The following NFS1 variants were observed in gnomAD, a reference collection of about 807,000 sequenced individuals.
NFS1 encodes the protein NFS1 cysteine desulfurase.
In NFS1, 26 loss-of-function variants were observed where a neutral mutation model predicts 57.3. The ratio of observed to expected loss-of-function variants is 0.45; its 90% CI spans 0.33 to 0.63. The LOEUF (loss-of-function observed/expected upper bound fraction) is 0.63. Ranked by LOEUF, NFS1 falls within the 20% of genes least tolerant of loss-of-function variation. The probability of loss-of-function intolerance (pLI) is 0.02; values close to 1 mark genes in which losing one functional copy is unlikely to be tolerated. For missense variants in NFS1, 505 were observed against 605.8 expected, an observed-to-expected ratio of 0.83 and a Z score of 1.75; for synonymous variants, 209 against 216.3, an observed-to-expected ratio of 0.97 and a Z score of 0.30.
At position 35,699,201 on chromosome 20, in the gene NFS1, G is replaced by C. The variant is rs2035199843; in HGVS notation, c.88C>G (p.Arg30Gly). 1.4e-6 allele frequency: 2 copies of C among 1,414,218 alleles called. No individual in the cohort carries two copies. Among genetic ancestry groups the C allele is most frequent in the Non-Finnish European group, 1.8e-6 (2 of 1,094,946 alleles). 87.6% of individuals were successfully genotyped at this position (1,414,218 alleles called of 1,614,324 possible). The change falls in exon 1 of 13, where the codon CGC becomes GGC. Residue 30 changes from arginine to glycine, a missense_variant. Physicochemically the swap from Arg to Gly is moderately radical, Grantham distance 125 (BLOSUM62 -2). Transcript: ENST00000374092. The surrounding 1 kb of genome is among the most constrained non-coding windows in gnomAD (Gnocchi z 4.4). ...CGGGACCCGAGCGTACCGCGCAGGC[G>C]CAGCCCCCGAGTGGGCGCCGCGGGC... ...PKPAAPTRGL[R>G]LRVGDRAPQS...
In NFS1 at chr20:35,690,515, C is replaced by T; in HGVS notation, c.459G>A (p.Gln153=). The part of the protein sequence containing the change: ...RSRKKHLITT[Q]TEHKCVLDSC... ...AGTCCAAGACACATTTGTGTTCTGT[C>T]TGGGTGGTGATCAAGTGCTTTTTCC... Residue 153 remains glutamine, a synonymous_variant, in exon 5 of 13, where the codon CAG becomes CAA. Coordinates refer to ENST00000374092, the MANE Select transcript of NFS1 (RefSeq NM_021100.5). 6.2e-7 allele frequency: 1 copy of T among 1,614,094 alleles called. No individual in the cohort carries two copies. The highest frequency in any genetic ancestry group is 8.5e-7 in the Non-Finnish European group (1 of 1,180,022).
chr20:35,680,399 G>C (rs1255337207), intron 7 of NFS1, among the ~76,000 whole-genome samples: 1 of 152,046 alleles, frequency 6.6e-6, no homozygotes, highest in Non-Finnish European at 1.5e-5. Context: ...TCAAATAGTT[G>C]CTCTGCACAT....
chr20:35,676,696 A>AAACAC (rs1418210473), intron 7 of NFS1, among the ~76,000 whole-genome samples: 2 of 149,458 alleles, frequency 1.3e-5, no homozygotes, highest in East Asian at 3.9e-4. Flanking sequence ...ATTTGTTTGT[A>AAACAC]AACACATAGG....
Position 35,668,337 on chromosome 20 carries a change from T to C in NFS1, c.*1285A>G, listed in dbSNP as rs761844199. The C allele has an allele frequency of 1.3e-5, 2 of 152,216 alleles. No homozygotes were observed. Among genetic ancestry groups the C allele is most frequent in the African/African-American group, 2.4e-5 (1 of 41,454 alleles). The allele number at this position is 152,216 out of a possible 1,614,324, so 9.4% of individuals were successfully genotyped here. On this transcript the variant is annotated 3_prime_UTR_variant, in exon 13 of 13. Coordinates refer to ENST00000374092, the MANE Select transcript of NFS1 (RefSeq NM_021100.5). Reference sequence around the variant, plus strand: ...AATAAGAAATACATTTATAACCTGGTATACAAATTCAAATATATCATCAAA... The same window carrying C: ...AATAAGAAATACATTTATAACCTGGCATACAAATTCAAATATATCATCAAA...
intron 4 of NFS1, among the ~76,000 whole-genome samples, chr20:35,691,326 G>A (rs1024724493): frequency 2.0e-5 from 3 of 151,546 alleles, no homozygotes; most frequent in South Asian, 2.1e-4. Context: ...TGATATAACA[G>A]TAAACAAGTC....
chr20:35,692,090 G>A (rs2035051625), intron 4 of NFS1, among the ~76,000 whole-genome samples: 1 of 152,082 alleles, frequency 6.6e-6, no homozygotes, highest in South Asian at 2.1e-4. Context: ...GGAGGCTGAG[G>A]CAGGAGAATC....
intron 11 of NFS1, among the ~76,000 whole-genome samples, chr20:35,673,145 G>A (rs1403163295): frequency 6.6e-6 from 1 of 152,040 alleles, no homozygotes; most frequent in African/African-American, 2.4e-5. Flanking sequence ...AAAATTAGCT[G>A]GGCCTGGTGG....
chr20:35,674,030 C>G, intron 10 of NFS1: 1 of 456,066 alleles, frequency 2.2e-6, no homozygotes, highest in Non-Finnish European at 4.0e-6. Context: ...TGAAGGGCAG[C>G]CAAACACTTA....
intron 6 of NFS1, 37 bp downstream of exon 6, chr20:35,681,851 T>C (rs774693095): frequency 1.7e-6 from 2 of 1,194,202 alleles, no homozygotes; most frequent in Non-Finnish European, 1.3e-6. Context: ...CAGAGCCCCA[T>C]GGTGGGCAGG....
At chr20:35,675,511 A>G in intron 7 of NFS1, 1 of 351,486 alleles carries the variant, frequency 2.8e-6, no homozygotes, top group Non-Finnish European at 5.2e-6. Context: ...GGAACAACTT[A>G]GATGTCCATC....
At chr20:35,698,388 C>T in intron 2 of NFS1, 93 bp downstream of exon 2, 1 of 989,472 alleles carries the variant, frequency 1.0e-6, no homozygotes, top group Non-Finnish European at 1.5e-6. Flanking sequence ...ACCTTCACGG[C>T]TCTCACTTCT....
rs1357247591 is a variant in NFS1 at position 35,699,184 on chromosome 20, G to A, written c.97+8C>T. ...CCGCGCCTCCCGGAGAGCGGGACCCGAGCGTACCGCGCAGGCGCAGCCCCC... is the reference window on the plus strand; with the variant it reads ...CCGCGCCTCCCGGAGAGCGGGACCCAAGCGTACCGCGCAGGCGCAGCCCCC... On this transcript the variant is annotated splice_region_variant and intron_variant, in intron 1 of 12. Coordinates refer to ENST00000374092, the MANE Select transcript of NFS1 (RefSeq NM_021100.5). The surrounding 1 kb of genome is among the most constrained non-coding windows in gnomAD (Gnocchi z 4.4). 7.9e-6 allele frequency: 11 copies of A among 1,400,486 alleles called. No homozygotes were observed. Among genetic ancestry groups the A allele is most frequent in the Admixed American group, 3.4e-5 (1 of 28,996 alleles). The allele number at this position is 1,400,486 out of a possible 1,614,324, so 86.8% of individuals were successfully genotyped here.
chr20:35,673,499 C>T (rs573737176), intron 11 of NFS1, 102 bp downstream of exon 11: 5 of 943,706 alleles, frequency 5.3e-6, no homozygotes, highest in East Asian at 2.5e-5. Context: ...AAGGAGAACT[C>T]GACTGAGAAA....
At chr20:35,685,259 C>T (rs1321237026) in intron 5 of NFS1, among the ~76,000 whole-genome samples, 1 of 151,654 alleles carries the variant, frequency 6.6e-6, no homozygotes, top group African/African-American at 2.4e-5. Context: ...CCTATAGTTC[C>T]AGCTACTCAG....
chr20:35,692,527 TAAAAAAAAAA>T (rs61052129), intron 4 of NFS1, among the ~76,000 whole-genome samples: 6 of 42,736 alleles, frequency 1.4e-4, no homozygotes, highest in Admixed American at 1.1e-3. Flanking sequence ...TCATCTATAC[TAAAAAAAAAA>T]AAAAAAAAAA....
intron 10 of NFS1, chr20:35,673,906 C>T: frequency 4.0e-6 from 2 of 495,030 alleles, no homozygotes; most frequent in South Asian, 4.6e-5. Flanking sequence ...CTTCCTTAAG[C>T]AAGGACGCTG....
Position 35,698,526 on chromosome 20 carries a change from T to G in NFS1, c.162A>C (p.Pro54=), listed in dbSNP as rs370949785. 7.7e-5 allele frequency: 125 copies of G among 1,613,944 alleles called. 1 individual carries two copies. In the East Asian group the frequency reaches 1.2e-3, roughly 16 times the overall value. The change falls in exon 2 of 13, where the codon CCA becomes CCC. Residue 54 remains proline, a synonymous_variant. Transcript: ENST00000374092. The stretch of plus-strand genomic sequence containing the variant: ...CATCCATATAGAGAGGTCGCAGCAC[T>G]GGCCCCACCTCCGGGGCAGCGGCTG... ...ADTAAAPEVG[P]VLRPLYMDVQ...
chr20:35,671,364 G>A (rs923591876), intron 12 of NFS1, among the ~76,000 whole-genome samples: 4 of 152,198 alleles, frequency 2.6e-5, no homozygotes, highest in African/African-American at 7.2e-5. Context: ...GCCTCCCGAA[G>A]TGCTGGGATT....
chr20:35,672,254 G>A (rs1347245177), intron 12 of NFS1, among the ~76,000 whole-genome samples: 17 of 151,768 alleles, frequency 1.1e-4, no homozygotes, highest in African/African-American at 3.9e-4. Context: ...CACTGTGCCC[G>A]GCTTTTTTTT....
Sources: allele counts gnomAD v4.1 joint callset (sites outside exome capture counted in the v4.1 genomes callset), GRCh38; gene constraint gnomAD v4.1.1; non-coding constraint Gnocchi (gnomAD v3.1); transcripts MANE v1.5; gene names NCBI Gene and HGNC (gene_info 2026-07-23, HGNC 2026-07-21).